DPP10: variants seen among roughly 807,000 people sequenced by gnomAD.
DPP10 encodes inactive dipeptidyl peptidase 10.
In DPP10, 33 loss-of-function variants were observed where a neutral mutation model predicts 120.9. The observed-to-expected ratio is 0.27, with a 90% CI of 0.21 to 0.37. The LOEUF (loss-of-function observed/expected upper bound fraction) is 0.37, where lower values mean the gene tolerates loss of function less well. Ranked by LOEUF, DPP10 falls within the 10% of genes least tolerant of loss-of-function variation. The probability of loss-of-function intolerance (pLI) is 1.00; values close to 1 mark genes in which losing one functional copy is unlikely to be tolerated. For missense variants in DPP10, 816 were observed against 942.8 expected (o/e 0.87, Z 1.76); for synonymous variants, 337 against 326.1 (o/e 1.03, Z -0.36).
intron 1 of DPP10, among the ~76,000 whole-genome samples, chr2:114,539,881 A>T (rs889116095): frequency 6.6e-6 from 1 of 152,180 alleles, no homozygotes; most frequent in African/African-American, 2.4e-5. Context: ...GTCACTTAGA[A>T]CAGCAACCAT....
Position 115,842,302 on chromosome 2 carries a change from A to G in DPP10, c.2348A>G (p.Glu783Gly), listed in dbSNP as rs765554385. 10 of 1,614,032 alleles carry G rather than the reference A, an allele frequency of 6.2e-6. No individual in the cohort carries two copies. The highest frequency in any genetic ancestry group is 3.3e-4 in the Middle Eastern group (2 of 6,062). The change falls in exon 26 of 26, where the codon GAA becomes GGA. Residue 783 changes from glutamate (E) to glycine (G), a missense_variant. Physicochemically the swap from Glu to Gly is moderately conservative, Grantham distance 98 (BLOSUM62 -2). Transcript: ENST00000410059. ...ILKFFSDCLK[E>G]EISVLPQEPE... ...AAATTCTTCAGTGATTGTTTGAAGG[A>G]AGAAATATCTGTGCTACCACAGGAA... is the stretch of plus-strand genomic sequence containing the variant.
At chr2:115,350,145 T>C (rs1180954830) in intron 3 of DPP10, among the ~76,000 whole-genome samples, 2 of 152,102 alleles carry the variant, frequency 1.3e-5, no homozygotes, top group Non-Finnish European at 2.9e-5. Flanking sequence ...TGCATCTTTT[T>C]AATGGAAAAC....
intron 5 of DPP10, among the ~76,000 whole-genome samples, chr2:115,646,201 A>G (rs1176356779): frequency 1.3e-5 from 2 of 152,130 alleles, no homozygotes; most frequent in Non-Finnish European, 2.9e-5. Context: ...CTATGTCACC[A>G]TATTACTGCA....
At chr2:115,260,793 G>A (rs1022968351) in intron 1 of DPP10, among the ~76,000 whole-genome samples, 6 of 152,060 alleles carry the variant, frequency 3.9e-5, no homozygotes, top group Non-Finnish European at 7.4e-5. Context: ...TTGAGAAATG[G>A]AACTAAAACT....
intron 1 of DPP10, among the ~76,000 whole-genome samples, chr2:115,163,337 C>T (rs1415812890): frequency 1.3e-5 from 2 of 151,982 alleles, no homozygotes; most frequent in South Asian, 4.1e-4. Context: ...TTCTCCTCTT[C>T]CCTCCCCTTC....
intron 1 of DPP10, among the ~76,000 whole-genome samples, chr2:114,887,050 T>C (rs1297462594): frequency 6.6e-6 from 1 of 152,218 alleles, no homozygotes; most frequent in Non-Finnish European, 1.5e-5. Context: ...CTCCATCTAA[T>C]TTTGTCCATT....
At chr2:115,247,246 G>A (rs1040238007) in intron 1 of DPP10, among the ~76,000 whole-genome samples, 5 of 152,052 alleles carry the variant, frequency 3.3e-5, no homozygotes, top group Non-Finnish European at 7.4e-5. Context: ...TTTACAGTTG[G>A]TGAGGTGCCT....
chr2:114,461,988 A>C, intron 1 of DPP10: 1 of 985,428 alleles, frequency 1.0e-6, no homozygotes. Context: ...CTCCCTGCTG[A>C]ATCGAAAGGA....
At chr2:114,496,579 T>A (rs1004728356) in intron 1 of DPP10, among the ~76,000 whole-genome samples, 1 of 151,996 alleles carries the variant, frequency 6.6e-6, no homozygotes, top group African/African-American at 2.4e-5. Context: ...CTAATCCCAT[T>A]CATAAGGGCT....
chr2:114,814,561 A>G (rs1192318120), intron 1 of DPP10, among the ~76,000 whole-genome samples: 1 of 152,138 alleles, frequency 6.6e-6, no homozygotes, highest in Non-Finnish European at 1.5e-5. Flanking sequence ...AGCATATTGC[A>G]CTGGCACGTT....
chr2:114,927,002 A>G (rs546362526), intron 1 of DPP10, among the ~76,000 whole-genome samples: 1 of 151,364 alleles, frequency 6.6e-6, no homozygotes, highest in East Asian at 2.0e-4. Context: ...TCGGGCCCCC[A>G]CCACGCCCAG....
intron 3 of DPP10, among the ~76,000 whole-genome samples, chr2:115,427,641 C>A (rs1485402787): frequency 6.6e-6 from 1 of 152,180 alleles, no homozygotes; most frequent in Admixed American, 6.5e-5. Context: ...TTCAGTCCCC[C>A]TGGGCCTCTG....
At chr2:114,914,571 A>G (rs1694629539) in intron 1 of DPP10, among the ~76,000 whole-genome samples, 3 of 152,202 alleles carry the variant, frequency 2.0e-5, no homozygotes. Context: ...TATACATGGA[A>G]ATGAAAGACC....
At chr2:115,149,085 T>C (rs2051390725) in intron 1 of DPP10, among the ~76,000 whole-genome samples, 1 of 152,154 alleles carries the variant, frequency 6.6e-6, no homozygotes, top group Non-Finnish European at 1.5e-5. Context: ...GATGAGTATA[T>C]TGATATACTC....
chr2:115,428,654 G>A (rs537408894), intron 3 of DPP10, among the ~76,000 whole-genome samples: 1 of 152,258 alleles, frequency 6.6e-6, no homozygotes, highest in South Asian at 2.1e-4. Context: ...CTCCTACCAG[G>A]CCCCGCCTCC....
At chr2:114,692,898 C>T (rs1699854498) in intron 1 of DPP10, among the ~76,000 whole-genome samples, 1 of 151,932 alleles carries the variant, frequency 6.6e-6, no homozygotes, top group African/African-American at 2.4e-5. Context: ...ACTAGGATTG[C>T]AACCCCTTCT....
intron 1 of DPP10, among the ~76,000 whole-genome samples, chr2:114,935,138 G>A (rs573282522): frequency 6.6e-6 from 1 of 152,184 alleles, no homozygotes; most frequent in African/African-American, 2.4e-5. Flanking sequence ...CAACCCCGCT[G>A]CTTCCCATTT....
chr2:114,547,345 G>A (rs1687499983), intron 1 of DPP10, among the ~76,000 whole-genome samples: 1 of 152,184 alleles, frequency 6.6e-6, no homozygotes, highest in South Asian at 2.1e-4. Context: ...CTGGATGCAG[G>A]CATGGGAGGC....
chr2:114,954,267 T>C (rs1020406558), intron 1 of DPP10, among the ~76,000 whole-genome samples: 1 of 151,886 alleles, frequency 6.6e-6, no homozygotes, highest in Non-Finnish European at 1.5e-5. Context: ...TATTTTTTAG[T>C]AGAGACAGGG....
Sources: gnomAD v4.1 joint callset for allele counts (sites outside exome capture counted in the v4.1 genomes callset) on GRCh38, gnomAD v4.1.1 for gene constraint, MANE v1.5 for transcripts, NCBI Gene and HGNC (gene_info 2026-07-23, HGNC 2026-07-21) for gene names.